LAMA2: variants seen among roughly 807,000 people sequenced by gnomAD.
The protein encoded by LAMA2 is laminin subunit alpha 2.
In LAMA2, 269 loss-of-function variants were observed where a neutral mutation model predicts 364.8. That is an observed-to-expected ratio of 0.74 (90% CI 0.67 to 0.82). The LOEUF (loss-of-function observed/expected upper bound fraction) is 0.82, where lower values mean the gene tolerates loss of function less well. LAMA2 is among the 40% of genes least tolerant of loss of function. The pLI is 0.00. For missense variants in LAMA2, 3,807 were observed against 3,873.2 expected, an observed-to-expected ratio of 0.98 and a Z score of 0.45; for synonymous variants, 1,379 against 1,370.6, an observed-to-expected ratio of 1.01 and a Z score of -0.14.
intron 28 of LAMA2, among the ~76,000 whole-genome samples, chr6:129,321,763 A>G (rs997241528): frequency 6.6e-6 from 1 of 152,216 alleles, no homozygotes; most frequent in Non-Finnish European, 1.5e-5. Context: ...TTTTGTAAAT[A>G]GGATTTGAGA....
chr6:129,335,256 T>A (rs564711632), intron 29 of LAMA2, among the ~76,000 whole-genome samples: 13 of 152,038 alleles, frequency 8.6e-5, no homozygotes, highest in East Asian at 3.9e-4. Flanking sequence ...AGAAAAAAAA[T>A]TTTTTTGAAG....
At chr6:129,400,662 A>G (rs936844823) in intron 37 of LAMA2, among the ~76,000 whole-genome samples, 1 of 152,210 alleles carries the variant, frequency 6.6e-6, no homozygotes, top group Admixed American at 6.5e-5. Context: ...TACTTTTGAG[A>G]CAAGCTATAT....
chr6:129,059,719 A>G (rs781116012), intron 2 of LAMA2, 65 bp from the exon 3 acceptor site: 3 of 1,010,506 alleles, frequency 3.0e-6, no homozygotes, highest in East Asian at 2.5e-5. Flanking sequence ...ACTTTAAAGA[A>G]AAAGCTATAA....
At chr6:128,986,096 C>G (rs1783215503) in intron 1 of LAMA2, among the ~76,000 whole-genome samples, 1 of 152,068 alleles carries the variant, frequency 6.6e-6, no homozygotes, top group African/African-American at 2.4e-5. Flanking sequence ...TCTATGAACT[C>G]ATAGATTTTA....
chr6:129,373,971 T>C (rs922192897), intron 34 of LAMA2, among the ~76,000 whole-genome samples: 8 of 152,184 alleles, frequency 5.3e-5, no homozygotes, highest in Admixed American at 2.6e-4. Flanking sequence ...ATCTGCCCAT[T>C]CTTCAGATTC....
At chr6:129,299,238 A>C (rs1773396377) in intron 21 of LAMA2, among the ~76,000 whole-genome samples, 1 of 151,952 alleles carries the variant, frequency 6.6e-6, no homozygotes, top group African/African-American at 2.4e-5. Flanking sequence ...CTCCTTCAGT[A>C]ACTAGTTCTG....
chr6:129,317,923 T>C (rs1373204304), intron 27 of LAMA2, among the ~76,000 whole-genome samples: 1 of 152,046 alleles, frequency 6.6e-6, no homozygotes, highest in Admixed American at 6.6e-5. Context: ...CCGCCCTATG[T>C]CTTTTTCTTT....
chr6:129,225,434 A>G (rs1478001579), intron 12 of LAMA2, among the ~76,000 whole-genome samples: 2 of 152,052 alleles, frequency 1.3e-5, no homozygotes, highest in African/African-American at 4.8e-5. Context: ...TTAGGGTGTC[A>G]ATTTTGGATC....
intron 19 of LAMA2, 137 bp from the exon 20 acceptor site, chr6:129,291,477 G>A (rs1185164838): frequency 1.4e-6 from 1 of 704,360 alleles, no homozygotes; most frequent in Non-Finnish European, 2.6e-6. Flanking sequence ...TGCCTAACAG[G>A]GCACTTAACA....
At chr6:129,058,632 T>C (rs1365581750) in intron 2 of LAMA2, among the ~76,000 whole-genome samples, 1 of 152,192 alleles carries the variant, frequency 6.6e-6, no homozygotes, top group African/African-American at 2.4e-5. Flanking sequence ...TCTCATATTA[T>C]TAAATAGTGA....
chr6:129,427,528 A>G (rs915127376), intron 40 of LAMA2, among the ~76,000 whole-genome samples: 1 of 152,160 alleles, frequency 6.6e-6, no homozygotes, highest in Non-Finnish European at 1.5e-5. Flanking sequence ...CCTACTCCCT[A>G]AACATTGAAG....
At chr6:129,445,404 A>T (rs554059779) in intron 44 of LAMA2, among the ~76,000 whole-genome samples, 4 of 152,180 alleles carry the variant, frequency 2.6e-5, no homozygotes, top group Non-Finnish European at 5.9e-5. Flanking sequence ...TAAGTTCTTC[A>T]TATTCTCTAC....
At chr6:129,404,130 C>A (rs944044004) in intron 40 of LAMA2, among the ~76,000 whole-genome samples, 171 bp downstream of exon 40, 5 of 152,080 alleles carry the variant, frequency 3.3e-5, no homozygotes, top group Non-Finnish European at 5.9e-5. Flanking sequence ...ATAATTATAG[C>A]AGAACTCTTT....
chr6:128,903,736 AG>A (rs1354552200), intron 1 of LAMA2, among the ~76,000 whole-genome samples: 2 of 152,188 alleles, frequency 1.3e-5, no homozygotes, highest in African/African-American at 2.4e-5. Flanking sequence ...TCTTTTAAAG[AG>A]GGAAATTAAG....
At chr6:129,475,475 C>A in intron 53 of LAMA2, 74 bp downstream of exon 53, 1 of 1,093,506 alleles carries the variant, frequency 9.1e-7, no homozygotes, top group Non-Finnish European at 1.4e-6. Context: ...ATAAAGCAGC[C>A]GTGCAGAAGC....
chr6:129,255,353 C>T (rs1026937143), intron 14 of LAMA2, among the ~76,000 whole-genome samples: 1 of 137,908 alleles, frequency 7.3e-6, no homozygotes, highest in African/African-American at 2.8e-5. Flanking sequence ...TTGCAGTGAG[C>T]CGAGATCGCG....
At chr6:129,036,845 G>A (rs947760733) in intron 1 of LAMA2, among the ~76,000 whole-genome samples, 3 of 152,072 alleles carry the variant, frequency 2.0e-5, no homozygotes, top group Non-Finnish European at 4.4e-5. Context: ...CAGCTCTTAG[G>A]CATTGTTGTG....
chr6:129,118,292 C>G (rs1455782331), intron 4 of LAMA2, among the ~76,000 whole-genome samples: 1 of 152,136 alleles, frequency 6.6e-6, no homozygotes, highest in Non-Finnish European at 1.5e-5. Flanking sequence ...AAAACAAAAA[C>G]TGGATCTAAT....
intron 29 of LAMA2, among the ~76,000 whole-genome samples, chr6:129,335,060 G>A (rs1424667262): frequency 1.3e-5 from 2 of 152,116 alleles, no homozygotes; most frequent in African/African-American, 4.8e-5. Flanking sequence ...AATATAAAGT[G>A]CATAGGAAAG....
Sources: allele counts gnomAD v4.1 joint callset (sites outside exome capture counted in the v4.1 genomes callset), GRCh38; gene constraint gnomAD v4.1.1; transcripts MANE v1.5; gene names NCBI Gene and HGNC (gene_info 2026-07-23, HGNC 2026-07-21).